Variants in VWA5B1 observed in about 807,000 individuals in gnomAD.
VWA5B1 encodes the protein von Willebrand factor A domain containing 5B1, also known as von Willebrand factor A domain-containing protein 5B1.
A neutral mutation model predicts 118.2 loss-of-function variants in VWA5B1; 115 were observed. That is an observed-to-expected ratio of 0.97 (90% CI 0.84 to 1.14). The LOEUF is 1.14. VWA5B1 is among the 50% of genes most tolerant of loss of function. The probability of loss-of-function intolerance (pLI) is 0.00; values close to 1 mark genes in which losing one functional copy is unlikely to be tolerated. For synonymous variants in VWA5B1, 682 were observed against 658.4 expected, an observed-to-expected ratio of 1.04 and a Z score of -0.55; for missense variants, 1,596 against 1,603.8, an observed-to-expected ratio of 1.00 and a Z score of 0.08.
At chr1:20,328,572 A>G (rs1331047361) in intron 9 of VWA5B1, among the ~76,000 whole-genome samples, 1 of 152,202 alleles carries the variant, frequency 6.6e-6, no homozygotes, top group Non-Finnish European at 1.5e-5. Flanking sequence ...AGGAAGGACA[A>G]GCAAATGGGA....
In VWA5B1 at chr1:20,332,907, G is replaced by A. The variant is rs944348189; in HGVS notation, c.1714G>A (p.Gly572Ser). ...LFPGERLVGY[G>S]IVCDASLHIS... Reference sequence around the variant, plus strand: ...CCCTGGAGAACGGCTGGTGGGGTATGGCATTGTATGTGATGCTTCTTTGCA... The same window carrying A: ...CCCTGGAGAACGGCTGGTGGGGTATAGCATTGTATGTGATGCTTCTTTGCA... Residue 572 changes from glycine to serine, a missense_variant, in exon 12 of 22, where the codon GGC becomes AGC. Gly to Ser is a moderately conservative substitution (Grantham distance 56). Transcript: ENST00000289815. 6.4e-7 allele frequency: 1 copy of A among 1,551,712 alleles called. No individual in the cohort carries two copies. The highest frequency in any genetic ancestry group is 1.4e-5 in the African/African-American group (1 of 73,040).
intron 12 of VWA5B1, among the ~76,000 whole-genome samples, chr1:20,333,405 A>C (rs1446153202): frequency 6.6e-6 from 1 of 152,202 alleles, no homozygotes; most frequent in Non-Finnish European, 1.5e-5. Flanking sequence ...TGAACTCGGG[A>C]GGCGGAGTTT....
chr1:20,298,764 C>A (rs900885595), intron 1 of VWA5B1, among the ~76,000 whole-genome samples: 1 of 152,156 alleles, frequency 6.6e-6, no homozygotes, highest in African/African-American at 2.4e-5. Flanking sequence ...GGGGACTCTG[C>A]AGCTGGCCTC....
chr1:20,356,466 T>A lies in VWA5B1; in HGVS notation c.*2203T>A, dbSNP rs1344595373. Among the ~76,000 whole-genome samples the A allele has an allele frequency of 1.3e-5, 2 of 152,210 alleles. No individual in the cohort carries two copies. Among genetic ancestry groups the A allele is most frequent in the Non-Finnish European group, 2.9e-5 (2 of 68,034 alleles). On this transcript the variant is annotated 3_prime_UTR_variant, in exon 22 of 22. Coordinates refer to ENST00000289815, the MANE Select transcript of VWA5B1 (RefSeq NM_001039500.3). ...TCTACATAACCAGGCTGAACTGGGC[T>A]GTCCAGCACCTCCCTGCCCCACCAG... is the stretch of plus-strand genomic sequence containing the variant.
chr1:20,302,133 A>T (rs1034437195), intron 1 of VWA5B1, among the ~76,000 whole-genome samples: 3 of 151,996 alleles, frequency 2.0e-5, no homozygotes, highest in African/African-American at 7.3e-5. Context: ...TCCTGTCCAG[A>T]CTGACTGTCC....
At chr1:20,322,978 C>G (rs1035854908) in intron 7 of VWA5B1, 1 of 161,326 alleles carries the variant, frequency 6.2e-6, no homozygotes, top group African/African-American at 2.4e-5. Context: ...AGCGAGAGAC[C>G]ATTACTCAAC....
At chr1:20,296,005 C>T (rs779068994) in intron 1 of VWA5B1, among the ~76,000 whole-genome samples, 2 of 152,032 alleles carry the variant, frequency 1.3e-5, no homozygotes, top group South Asian at 2.1e-4. Flanking sequence ...TGGGATTACA[C>T]GTGTGCACCA....
At chr1:20,321,426 A>G (rs2089211692) in intron 7 of VWA5B1, among the ~76,000 whole-genome samples, 3 of 152,154 alleles carry the variant, frequency 2.0e-5, no homozygotes, top group South Asian at 2.1e-4. Context: ...CTCTACTAAA[A>G]ATACAAAAAT....
At chr1:20,317,754 G>T in intron 5 of VWA5B1, 79 bp downstream of exon 5, 1 of 483,724 alleles carries the variant, frequency 2.1e-6, no homozygotes, top group South Asian at 1.9e-5. Context: ...ACGGGGGTGG[G>T]AAGGAAAGCC....
At position 20,350,187 on chromosome 1, in the gene VWA5B1, C is replaced by T. The variant is rs542187486; in HGVS notation, c.2910C>T (p.Ser970=). Residue 970 remains serine (S), a synonymous_variant, in exon 19 of 22, where the codon AGC becomes AGT. Coordinates refer to ENST00000289815, the MANE Select transcript of VWA5B1 (RefSeq NM_001039500.3). The stretch of plus-strand genomic sequence containing the variant: ...AGGCAAGTCCCACTGCTCTCTTCAG[C>T]GAGGCCAGGTCCCCCGGCCGCGAGA... ...DMEASPTALF[S]EARSPGREKH... The T allele has an allele frequency of 5.1e-5, 79 of 1,551,176 alleles. No homozygotes were observed. The highest frequency in any genetic ancestry group is 5.9e-5 in the Non-Finnish European group (68 of 1,146,964).
intron 10 of VWA5B1, 72 bp from the exon 11 acceptor site, chr1:20,330,797 C>T: frequency 7.1e-7 from 1 of 1,408,656 alleles, no homozygotes; most frequent in Non-Finnish European, 9.8e-7. Context: ...CATGCTCTGT[C>T]CCTTTCTGCA....
rs1253471068 is a variant in VWA5B1, at chr1:20,355,753, G to A, written c.*1490G>A. Among the ~76,000 whole-genome samples, 1 of 152,252 alleles carries A rather than the reference G, an allele frequency of 6.6e-6. No homozygotes were observed. Among genetic ancestry groups the A allele is most frequent in the South Asian group, 2.1e-4 (1 of 4,834 alleles). The stretch of plus-strand genomic sequence containing the variant: ...GAGGCTCCAGCAGAACGCCCACTGG[G>A]CACAAGGGGAGAAAAAGCAGCCCCA... On this transcript the variant is annotated 3_prime_UTR_variant, in exon 22 of 22. Coordinates refer to ENST00000289815, the MANE Select transcript of VWA5B1 (RefSeq NM_001039500.3).
At chr1:20,298,611 C>A (rs2088450430) in intron 1 of VWA5B1, among the ~76,000 whole-genome samples, 1 of 152,124 alleles carries the variant, frequency 6.6e-6, no homozygotes. Flanking sequence ...AGCTCTACTT[C>A]TGTGCCCTTT....
At chr1:20,301,291 G>A (rs1008818805) in intron 1 of VWA5B1, among the ~76,000 whole-genome samples, 13 of 152,216 alleles carry the variant, frequency 8.5e-5, no homozygotes, top group African/African-American at 3.1e-4. Flanking sequence ...GAAAGCAATA[G>A]CCAACATTTA....
intron 14 of VWA5B1, chr1:20,338,871 G>A (rs1334422830): frequency 6.6e-6 from 1 of 152,094 alleles, no homozygotes; most frequent in East Asian, 1.9e-4. Context: ...TTGCCATATT[G>A]CCCGGGCTGG....
chr1:20,354,809 A>AC lies in VWA5B1; in HGVS notation c.*553dup, dbSNP rs11448160. The AC allele has an allele frequency of 0.23, 34,938 of 152,046 alleles. 4,173 individuals are homozygous for AC. The highest frequency in any genetic ancestry group is 0.33 in the East Asian group (1,716 of 5,138). 9.4% of individuals were successfully genotyped at this position (152,046 alleles called of 1,614,324 possible). A position where few individuals can be genotyped will look rare whatever the true frequency, so the allele number is the denominator to read the frequency against. On this transcript the variant is annotated 3_prime_UTR_variant, in exon 22 of 22. Coordinates refer to ENST00000289815, the MANE Select transcript of VWA5B1 (RefSeq NM_001039500.3). Reference sequence around the variant, plus strand: ...CTTGTCTCCATGGTAACAGCCAAGGACCCCCCCTAAATCCCACTTAAAAGC... The same window carrying AC: ...CTTGTCTCCATGGTAACAGCCAAGGACCCCCCCCTAAATCCCACTTAAAAGC...
At chr1:20,349,151 G>T in intron 18 of VWA5B1, 1 of 421,178 alleles carries the variant, frequency 2.4e-6, no homozygotes, top group Non-Finnish European at 4.8e-6. Context: ...AACAGAAACA[G>T]AACACAGTGT....
chr1:20,317,918 A>G (rs1408099202), intron 5 of VWA5B1, among the ~76,000 whole-genome samples: 1 of 151,746 alleles, frequency 6.6e-6, no homozygotes, highest in Non-Finnish European at 1.5e-5. Flanking sequence ...AAGAATGTCC[A>G]TGGGGAATGG....
chr1:20,345,736 T>C, intron 17 of VWA5B1, 143 bp downstream of exon 17: 1 of 1,278,908 alleles, frequency 7.8e-7, no homozygotes, highest in Non-Finnish European at 1.0e-6. Flanking sequence ...CCCCAGTGGA[T>C]GATTTGGCTG....
Sources: allele counts gnomAD v4.1 joint callset (sites outside exome capture counted in the v4.1 genomes callset), GRCh38; gene constraint gnomAD v4.1.1; transcripts MANE v1.5; gene names NCBI Gene and HGNC (gene_info 2026-07-23, HGNC 2026-07-21).